MRPS28: variants seen among roughly 807,000 people sequenced by gnomAD.
MRPS28 encodes the protein small ribosomal subunit protein bS1m.
In MRPS28, 7 loss-of-function variants were observed where a neutral mutation model predicts 10.8. The observed-to-expected ratio is 0.65, with a 90% confidence interval of 0.37 to 1.22. The LOEUF (loss-of-function observed/expected upper bound fraction) is 1.22. MRPS28 is among the 50% of genes most tolerant of loss of function. The pLI is 0.02. For synonymous variants in MRPS28, 121 were observed against 93.3 expected, an observed-to-expected ratio of 1.30 and a Z score of -1.71; for missense variants, 265 against 232.9, an observed-to-expected ratio of 1.14 and a Z score of -0.90.
intron 2 of MRPS28, among the ~76,000 whole-genome samples, chr8:79,984,385 G>A (rs981838822): frequency 6.6e-6 from 1 of 152,144 alleles, no homozygotes; most frequent in Non-Finnish European, 1.5e-5. Context: ...AAAACAACCA[G>A]CTAACATCAT....
At chr8:79,997,814 G>A (rs1808542389) in intron 2 of MRPS28, among the ~76,000 whole-genome samples, 1 of 152,096 alleles carries the variant, frequency 6.6e-6, no homozygotes, top group Non-Finnish European at 1.5e-5. Context: ...CAGCACTTTG[G>A]GAGGCTGAGA....
chr8:79,952,413 C>T (rs746776731), intron 2 of MRPS28, among the ~76,000 whole-genome samples: 2 of 151,972 alleles, frequency 1.3e-5, no homozygotes, highest in Non-Finnish European at 2.9e-5. Context: ...AGAGTAAGAA[C>T]AAACATAAAA....
chr8:80,018,306 A>G (rs1177171816), intron 1 of MRPS28, among the ~76,000 whole-genome samples: 1 of 151,134 alleles, frequency 6.6e-6, no homozygotes, highest in Non-Finnish European at 1.5e-5. Flanking sequence ...AAAAAAAAAA[A>G]AAAAAAAAAA....
intron 2 of MRPS28, among the ~76,000 whole-genome samples, chr8:79,927,805 G>A (rs184128013): frequency 2.0e-5 from 3 of 152,258 alleles, no homozygotes. Flanking sequence ...AAATACTTAA[G>A]AGACTGTTAT....
At chr8:80,006,764 T>C (rs1305450915) in intron 1 of MRPS28, among the ~76,000 whole-genome samples, 2 of 152,156 alleles carry the variant, frequency 1.3e-5, no homozygotes, top group South Asian at 2.1e-4. Flanking sequence ...GGCTCTGAAA[T>C]TGAGGCAATA....
chr8:79,927,675 G>A (rs1312776488), intron 2 of MRPS28, among the ~76,000 whole-genome samples: 1 of 152,172 alleles, frequency 6.6e-6, no homozygotes, highest in African/African-American at 2.4e-5. Context: ...AGGAGGCAAA[G>A]ATGGAGGGAA....
chr8:80,015,142 C>G (rs1405584102), intron 1 of MRPS28, among the ~76,000 whole-genome samples: 1 of 152,188 alleles, frequency 6.6e-6, no homozygotes, highest in African/African-American at 2.4e-5. Context: ...TGAGTTTTAA[C>G]TCCAGGAGCT....
chr8:79,985,301 TA>T (rs1808121017), intron 2 of MRPS28, among the ~76,000 whole-genome samples: 1 of 152,092 alleles, frequency 6.6e-6, no homozygotes, highest in African/African-American at 2.4e-5. Flanking sequence ...TTTATAGCAC[TA>T]AATGCCCACA....
At chr8:79,962,935 C>A (rs1470257282) in intron 2 of MRPS28, among the ~76,000 whole-genome samples, 1 of 152,060 alleles carries the variant, frequency 6.6e-6, no homozygotes, top group African/African-American at 2.4e-5. Flanking sequence ...TAGCCATAAG[C>A]CTCAATTCAC....
chr8:80,014,823 C>A (rs979312541), intron 1 of MRPS28, among the ~76,000 whole-genome samples: 2 of 152,108 alleles, frequency 1.3e-5, no homozygotes, highest in Non-Finnish European at 2.9e-5. Context: ...CCCTGCCACC[C>A]CCACTCCAGG....
chr8:80,004,864 T>C (rs1286590476), intron 1 of MRPS28, among the ~76,000 whole-genome samples: 2 of 152,138 alleles, frequency 1.3e-5, no homozygotes, highest in African/African-American at 2.4e-5. Flanking sequence ...GCTGATTCGA[T>C]CAACCGGAAG....
intron 2 of MRPS28, among the ~76,000 whole-genome samples, chr8:79,992,455 T>C (rs768741898): frequency 5.3e-5 from 8 of 152,206 alleles, no homozygotes; most frequent in Non-Finnish European, 1.2e-4. Flanking sequence ...TTTTTGTCTA[T>C]GAAACCATCT....
At chr8:79,924,305 T>C (rs1008672372) in intron 2 of MRPS28, among the ~76,000 whole-genome samples, 1 of 152,234 alleles carries the variant, frequency 6.6e-6, no homozygotes, top group African/African-American at 2.4e-5. Context: ...GTTTCCATTT[T>C]CTCTTTTTTC....
At position 79,961,756 on chromosome 8, in the gene MRPS28, C is replaced by T. The variant is rs566585233; in HGVS notation, c.395+41243G>A. Among the ~76,000 whole-genome samples the T allele has an allele frequency of 2.0e-5, 3 of 152,146 alleles. No homozygotes were observed. The South Asian group carries it at 6.2e-4, about 32-fold the overall frequency. ...TGCTATTTCTTACAAATATGAAAAG[C>T]CTTTTGAAGTGATTACACTTAGTAT... is the stretch of plus-strand genomic sequence containing the variant. On this transcript the variant is annotated intron_variant, in intron 2 of 2. Coordinates refer to ENST00000276585, the MANE Select transcript of MRPS28 (RefSeq NM_014018.3).
Position 80,030,222 on chromosome 8 carries a change from A to G in MRPS28, c.27T>C (p.Ala9=). 6.2e-7 allele frequency: 1 copy of G among 1,614,134 alleles called. No homozygotes were observed. Among genetic ancestry groups the G allele is most frequent in the Non-Finnish European group, 8.5e-7 (1 of 1,180,044 alleles). Residue 9 remains alanine (A), a synonymous_variant, in exon 1 of 3, where the codon GCT becomes GCC. Transcript: ENST00000276585. The stretch of plus-strand genomic sequence containing the variant: ...GCAGAAAATGGCTCTCGGCAGCCAC[A>G]GCACGGGTCCGACACAGCGCCGCCA... The part of the protein sequence containing the change: MAALCRTR[A]VAAESHFLRV...
At chr8:79,956,422 CAAAT>C (rs1385902529) in intron 2 of MRPS28, 1 of 151,970 alleles carries the variant, frequency 6.6e-6, no homozygotes, top group Non-Finnish European at 1.5e-5. Context: ...CAAGAAAGCA[CAAAT>C]AAATATTTAG....
chr8:79,998,054 C>CAAAA (rs35716562), intron 2 of MRPS28, among the ~76,000 whole-genome samples: 1 of 131,074 alleles, frequency 7.6e-6, no homozygotes, highest in African/African-American at 3.1e-5. Context: ...GACTCTGTCT[C>CAAAA]AAAAAAAAAA....
At position 79,919,125 on chromosome 8, in the gene MRPS28, A is replaced by G; in HGVS notation, c.419T>C (p.Val140Ala). ...DGEKYQKGTR[V>A]RLRLLDLELT... ...TTCAAGATCTAATAGCCGCAACCGG[A>G]CCCTGGTTCCTTTCTGGTATTTCCT... The change falls in exon 3 of 3, where the codon GTC (valine) becomes GCC (alanine). Residue 140 changes from valine to alanine, a missense_variant. Val to Ala is a moderately conservative substitution (Grantham distance 64). Transcript: ENST00000276585. 4 of 1,589,908 alleles carry G rather than the reference A, an allele frequency of 2.5e-6. No homozygotes were observed. The South Asian group carries it at 4.7e-5, about 19-fold the overall frequency.
intron 2 of MRPS28, among the ~76,000 whole-genome samples, chr8:79,955,563 C>A (rs1224403934): frequency 6.6e-6 from 1 of 152,062 alleles, no homozygotes; most frequent in Admixed American, 6.6e-5. Flanking sequence ...TTTAGGCCTC[C>A]GCTAACAGTC....
Sources: gnomAD v4.1 joint callset for allele counts (sites outside exome capture counted in the v4.1 genomes callset) on GRCh38, gnomAD v4.1.1 for gene constraint, MANE v1.5 for transcripts, NCBI Gene and HGNC (gene_info 2026-07-23, HGNC 2026-07-21) for gene names.